Variants in SLC4A4 observed in about 807,000 individuals in gnomAD.
The protein encoded by SLC4A4 is electrogenic sodium bicarbonate cotransporter 1.
SLC4A4 carries 27 observed loss-of-function variants against 111.5 expected under a neutral mutation model. The observed-to-expected ratio is 0.24, with a 90% confidence interval of 0.18 to 0.33. The LOEUF is 0.33. Ranked by LOEUF, SLC4A4 falls within the 10% of genes least tolerant of loss-of-function variation. SLC4A4 has a pLI of 1.00. For synonymous variants in SLC4A4, 443 were observed against 463.4 expected (o/e 0.96, Z 0.57); for missense variants, 909 against 1,315.5 (o/e 0.69, Z 4.78).
intron 1 of SLC4A4, among the ~76,000 whole-genome samples, chr4:71,191,075 C>G (rs1674319559): frequency 6.6e-6 from 1 of 152,146 alleles, no homozygotes; most frequent in South Asian, 2.1e-4. Flanking sequence ...ATAGGTTAGG[C>G]TTTGTGTTAG....
At chr4:71,519,812 T>A (rs1732765688) in intron 16 of SLC4A4, among the ~76,000 whole-genome samples, 1 of 152,014 alleles carries the variant, frequency 6.6e-6, no homozygotes, top group Admixed American at 6.5e-5. Flanking sequence ...TTTTGTATTT[T>A]TTTGTTGTTG....
chr4:71,087,096 C>G (rs1742200992), intron 1 of SLC4A4, among the ~76,000 whole-genome samples: 1 of 151,984 alleles, frequency 6.6e-6, no homozygotes, highest in African/African-American at 2.4e-5. Flanking sequence ...TGTTATTGTT[C>G]TTTTCAGAGA....
chr4:71,190,592 A>G (rs1024289249), intron 1 of SLC4A4, among the ~76,000 whole-genome samples: 3 of 152,206 alleles, frequency 2.0e-5, no homozygotes, highest in Admixed American at 1.3e-4. Context: ...AGCCAGGTGC[A>G]GTGGTCCCAG....
At chr4:71,371,507 G>A (rs946306418) in intron 6 of SLC4A4, among the ~76,000 whole-genome samples, 12 of 151,926 alleles carry the variant, frequency 7.9e-5, no homozygotes, top group Non-Finnish European at 1.8e-4. Flanking sequence ...GCCTCCCAAA[G>A]CTCTGGGATT....
intron 7 of SLC4A4, among the ~76,000 whole-genome samples, chr4:71,425,303 C>T (rs1395424106): frequency 3.9e-5 from 6 of 152,124 alleles, no homozygotes; most frequent in African/African-American, 1.4e-4. Flanking sequence ...CACTGGTAAA[C>T]TATATAGAGC....
At position 71,463,825 on chromosome 4, in the gene SLC4A4, T is replaced by C. The variant is rs367569441; in HGVS notation, c.1498-2619T>C. ...ATGATGAGAGAAAGAGAAACATGGATGATGCCAGAAGACCCTGTTCTTATC... is the reference window on the plus strand; with the variant it reads ...ATGATGAGAGAAAGAGAAACATGGACGATGCCAGAAGACCCTGTTCTTATC... On this transcript the variant is annotated intron_variant, in intron 12 of 25. Coordinates refer to ENST00000264485, the MANE Select transcript of SLC4A4 (RefSeq NM_001098484.3). Among the ~76,000 whole-genome samples the C allele has an allele frequency of 7.2e-5, 11 of 152,264 alleles. No homozygotes were observed. The South Asian group carries it at 1.9e-3, about 26-fold the overall frequency.
intron 12 of SLC4A4, among the ~76,000 whole-genome samples, chr4:71,461,771 C>T (rs942096816): frequency 6.6e-6 from 1 of 152,066 alleles, no homozygotes; most frequent in African/African-American, 2.4e-5. Context: ...CACGGGCCAT[C>T]CTTGGTTTAA....
intron 16 of SLC4A4, among the ~76,000 whole-genome samples, chr4:71,528,172 TG>T (rs1318058130): frequency 1.3e-5 from 2 of 152,164 alleles, no homozygotes; most frequent in African/African-American, 4.8e-5. Flanking sequence ...ACACATATCC[TG>T]CTATCAGAGT....
intron 3 of SLC4A4, among the ~76,000 whole-genome samples, chr4:71,273,765 A>G (rs2149083662): frequency 6.6e-6 from 1 of 151,956 alleles, no homozygotes; most frequent in Middle Eastern, 3.4e-3. Flanking sequence ...TGAGAAGCAT[A>G]TGTGTCAAGC....
intron 3 of SLC4A4, among the ~76,000 whole-genome samples, chr4:71,329,322 T>C (rs1036566401): frequency 3.3e-5 from 5 of 152,076 alleles, no homozygotes; most frequent in Admixed American, 1.3e-4. Flanking sequence ...TGGTTCCATA[T>C]AGATTGTAGG....
intron 21 of SLC4A4, among the ~76,000 whole-genome samples, chr4:71,557,330 A>T (rs1034496628): frequency 1.3e-5 from 2 of 151,954 alleles, no homozygotes; most frequent in African/African-American, 4.8e-5. Flanking sequence ...CAACTGAGGC[A>T]GAGTAAGATA....
chr4:71,139,370 C>G (rs189718785), intron 2 of SLC4A4, among the ~76,000 whole-genome samples: 1 of 152,306 alleles, frequency 6.6e-6, no homozygotes, highest in African/African-American at 2.4e-5. Flanking sequence ...CATCCATTTA[C>G]AACACCTGCC....
intron 6 of SLC4A4, among the ~76,000 whole-genome samples, chr4:71,361,918 G>A (rs1730828638): frequency 1.3e-5 from 2 of 152,134 alleles, no homozygotes; most frequent in Admixed American, 6.5e-5. Flanking sequence ...CATAACAACT[G>A]CATTTTAAAA....
intron 2 of SLC4A4, among the ~76,000 whole-genome samples, chr4:71,253,214 C>G (rs1030148013): frequency 2.6e-5 from 4 of 152,116 alleles, no homozygotes; most frequent in Non-Finnish European, 4.4e-5. Flanking sequence ...TTTGATGGCT[C>G]ACTCTCTGAA....
chr4:71,344,543 A>G (rs565445159), intron 4 of SLC4A4, among the ~76,000 whole-genome samples: 1 of 152,258 alleles, frequency 6.6e-6, no homozygotes, highest in South Asian at 2.1e-4. Context: ...CAACTTATAA[A>G]TTGATAATAT....
At chr4:71,131,531 A>C (rs992013404) in intron 2 of SLC4A4, among the ~76,000 whole-genome samples, 1 of 152,228 alleles carries the variant, frequency 6.6e-6, no homozygotes, top group Non-Finnish European at 1.5e-5. Flanking sequence ...AAAAGCTCAG[A>C]ATAAGCAGCA....
chr4:71,270,884 G>A (rs1325429605), intron 3 of SLC4A4, among the ~76,000 whole-genome samples: 3 of 152,284 alleles, frequency 2.0e-5, no homozygotes, highest in Non-Finnish European at 2.9e-5. Flanking sequence ...AAGCAAATCA[G>A]TTAGATTAAA....
At chr4:71,171,274 G>A (rs1320108718) in intron 2 of SLC4A4, among the ~76,000 whole-genome samples, 1 of 152,042 alleles carries the variant, frequency 6.6e-6, no homozygotes, top group Non-Finnish European at 1.5e-5. Flanking sequence ...AGAGGAGAGT[G>A]TGGATGTTGG....
chr4:71,163,849 A>C (rs1365369572), intron 2 of SLC4A4, among the ~76,000 whole-genome samples: 1 of 152,244 alleles, frequency 6.6e-6, no homozygotes, highest in Non-Finnish European at 1.5e-5. Context: ...TCTTTACAGA[A>C]AAAGTCTGGC....
Sources: gnomAD v4.1 joint callset for allele counts (sites outside exome capture counted in the v4.1 genomes callset) on GRCh38, gnomAD v4.1.1 for gene constraint, MANE v1.5 for transcripts, NCBI Gene and HGNC (gene_info 2026-07-23, HGNC 2026-07-21) for gene names.